The following ROBO2 variants were observed in gnomAD, a reference collection of about 807,000 sequenced individuals.
ROBO2 encodes roundabout homolog 2.
A neutral mutation model predicts 160.8 loss-of-function variants in ROBO2; 53 were observed. The ratio of observed to expected loss-of-function variants is 0.33; its 90% CI spans 0.26 to 0.41. The LOEUF is 0.41. Ranked by LOEUF, ROBO2 falls within the 10% of genes least tolerant of loss-of-function variation. The pLI is 1.00. For synonymous variants in ROBO2, 664 were observed against 611.7 expected (o/e 1.09, Z -1.26); for missense variants, 1,577 against 1,722.4 (o/e 0.92, Z 1.49).
At chr3:76,241,481 T>C (rs887460422) in intron 2 of ROBO2, among the ~76,000 whole-genome samples, 5 of 152,218 alleles carry the variant, frequency 3.3e-5, no homozygotes, top group Non-Finnish European at 7.3e-5. Context: ...GGAGCTTATA[T>C]ACTTGTATGT....
chr3:76,859,487 T>A (rs1298876115), intron 2 of ROBO2, among the ~76,000 whole-genome samples: 1 of 152,150 alleles, frequency 6.6e-6, no homozygotes, highest in Non-Finnish European at 1.5e-5. Context: ...TTCTAGCCTC[T>A]CCAGAACTCA....
exon 2 of ROBO2, chr3:77,098,299 T>A (rs1286366727): frequency 6.2e-7 from 1 of 1,614,186 alleles, no homozygotes; most frequent in South Asian, 1.1e-5. Context: ...AGGAACTATC[T>A]TGGTGAAGCA....
chr3:76,623,748 A>G (rs192104026), intron 2 of ROBO2, among the ~76,000 whole-genome samples: 75 of 152,324 alleles, frequency 4.9e-4, no homozygotes, highest in Non-Finnish European at 1.0e-3. Context: ...CGACTCTTTT[A>G]AAGTGCATTT....
At chr3:77,213,304 T>A (rs1278416301) in intron 2 of ROBO2, among the ~76,000 whole-genome samples, 1 of 152,190 alleles carries the variant, frequency 6.6e-6, no homozygotes, top group African/African-American at 2.4e-5. Context: ...GGTTTAGTCT[T>A]GGGAGGGCGT....
chr3:77,570,881 C>G (rs929135046), intron 13 of ROBO2, among the ~76,000 whole-genome samples: 1 of 151,950 alleles, frequency 6.6e-6, no homozygotes, highest in Non-Finnish European at 1.5e-5. Flanking sequence ...ACCAAAGGCA[C>G]AAGACATAAC....
At chr3:76,169,455 T>G (rs2072956183) in intron 2 of ROBO2, among the ~76,000 whole-genome samples, 1 of 152,186 alleles carries the variant, frequency 6.6e-6, no homozygotes, top group Non-Finnish European at 1.5e-5. Context: ...CGTATGAGAA[T>G]CTATCAATAA....
Position 77,040,973 on chromosome 3 carries a change from G to C in ROBO2, c.61+127G>C, listed in dbSNP as rs560425304. The C allele has an allele frequency of 2.6e-5, 32 of 1,249,814 alleles. No homozygotes were observed. The African/African-American group carries it at 4.6e-4, about 18-fold the overall frequency. The allele number at this position is 1,249,814 out of a possible 1,614,324, so 77.4% of individuals were successfully genotyped here. A position where few individuals can be genotyped will look rare whatever the true frequency, so the allele number is the denominator to read the frequency against. The stretch of plus-strand genomic sequence containing the variant: ...TATGTCTGTTAGTCCGTTTTGGCCC[G>C]GCACGGGCTCCTTGGGGGCAGAGGT... On this transcript the variant is annotated intron_variant, in intron 1 of 25. Coordinates refer to ENST00000461745, the Ensembl canonical transcript of ROBO2.
At chr3:76,612,334 C>T (rs1157253637) in intron 2 of ROBO2, among the ~76,000 whole-genome samples, 3 of 152,130 alleles carry the variant, frequency 2.0e-5, no homozygotes, top group East Asian at 3.8e-4. Context: ...GATAATCTGT[C>T]GAATGCTGAG....
chr3:76,721,686 G>T (rs1166190966), intron 2 of ROBO2, among the ~76,000 whole-genome samples: 1 of 152,098 alleles, frequency 6.6e-6, no homozygotes, highest in Non-Finnish European at 1.5e-5. Flanking sequence ...TCCAGCTGAG[G>T]TTTATCATCC....
intron 2 of ROBO2, among the ~76,000 whole-genome samples, chr3:75,945,388 T>C (rs1948241427): frequency 6.6e-6 from 1 of 151,724 alleles, no homozygotes; most frequent in South Asian, 2.1e-4. Flanking sequence ...CAGTTTGGAG[T>C]AGTAGAAGAT....
chr3:76,165,377 T>C (rs899285667), intron 2 of ROBO2, among the ~76,000 whole-genome samples: 16 of 152,130 alleles, frequency 1.1e-4, no homozygotes, highest in African/African-American at 3.9e-4. Context: ...CCTCATCTCT[T>C]TCAGCTTTTA....
At chr3:76,486,602 C>G (rs1157331521) in intron 2 of ROBO2, among the ~76,000 whole-genome samples, 1 of 152,012 alleles carries the variant, frequency 6.6e-6, no homozygotes, top group Non-Finnish European at 1.5e-5. Context: ...TTTGAAATGT[C>G]TTATGATGAC....
chr3:76,285,037 T>C (rs1438795514), intron 2 of ROBO2, among the ~76,000 whole-genome samples: 2 of 152,160 alleles, frequency 1.3e-5, no homozygotes, highest in Admixed American at 6.6e-5. Context: ...GGGAGAAGTA[T>C]TTGAGTTCGG....
At chr3:76,064,667 A>G (rs1279151526) in intron 2 of ROBO2, among the ~76,000 whole-genome samples, 4 of 152,152 alleles carry the variant, frequency 2.6e-5, no homozygotes, top group Non-Finnish European at 1.5e-5. Flanking sequence ...TTAATTTTAA[A>G]CTGATTTTCT....
chr3:76,320,829 A>G (rs1376703171), intron 2 of ROBO2, among the ~76,000 whole-genome samples: 1 of 152,220 alleles, frequency 6.6e-6, no homozygotes, highest in East Asian at 1.9e-4. Flanking sequence ...ATGCACTGTT[A>G]GATGAAGATC....
At chr3:76,615,625 AT>A (rs2088522516) in intron 2 of ROBO2, among the ~76,000 whole-genome samples, 1 of 152,192 alleles carries the variant, frequency 6.6e-6, no homozygotes, top group African/African-American at 2.4e-5. Flanking sequence ...CCAAAAAATA[AT>A]TTTTGGAATA....
chr3:77,160,444 TA>T (rs1467168875), intron 2 of ROBO2, among the ~76,000 whole-genome samples: 2 of 152,226 alleles, frequency 1.3e-5, no homozygotes, highest in African/African-American at 4.8e-5. Context: ...GATTTTGAGA[TA>T]TTTTCATTGG....
intron 2 of ROBO2, among the ~76,000 whole-genome samples, chr3:76,939,040 T>G (rs527248209): frequency 1.4e-5 from 2 of 145,956 alleles, no homozygotes; most frequent in East Asian, 4.0e-4. Flanking sequence ...TAGAAAACAA[T>G]GTACAGAACA....
intron 2 of ROBO2, among the ~76,000 whole-genome samples, chr3:76,280,137 G>A (rs190338195): frequency 6.6e-6 from 1 of 151,972 alleles, no homozygotes; most frequent in Non-Finnish European, 1.5e-5. Flanking sequence ...TTCCTGAAAA[G>A]TCGGCAATTT....
Sources: gnomAD v4.1 joint callset for allele counts (sites outside exome capture counted in the v4.1 genomes callset) on GRCh38, gnomAD v4.1.1 for gene constraint, MANE v1.5 for transcripts, NCBI Gene and HGNC (gene_info 2026-07-23, HGNC 2026-07-21) for gene names.